CACNA2D1: variants seen among roughly 807,000 people sequenced by gnomAD.
The protein encoded by CACNA2D1 is voltage-dependent calcium channel subunit alpha-2/delta-1.
A neutral mutation model predicts 171.5 loss-of-function variants in CACNA2D1; 53 were observed. The ratio of observed to expected loss-of-function variants is 0.31; its 90% CI spans 0.25 to 0.39. The LOEUF is 0.39. Ranked by LOEUF, CACNA2D1 falls within the 10% of genes least tolerant of loss-of-function variation. The pLI is 1.00. For missense variants in CACNA2D1, 903 were observed against 1,299.8 expected (o/e 0.69, Z 4.69); for synonymous variants, 442 against 443.1 (o/e 1.00, Z 0.03).
At chr7:82,392,449 A>G (rs1414221078) in intron 1 of CACNA2D1, among the ~76,000 whole-genome samples, 3 of 152,230 alleles carry the variant, frequency 2.0e-5, no homozygotes, top group Non-Finnish European at 2.9e-5. Context: ...GACGCGGGAC[A>G]AGAACTCGAG....
At chr7:81,983,236 T>G (rs1796614517) in intron 23 of CACNA2D1, 78 bp downstream of exon 23, 4 of 1,217,590 alleles carry the variant, frequency 3.3e-6, no homozygotes, top group African/African-American at 3.0e-5. Context: ...GAGGATAATA[T>G]CCAATAGGAA....
intron 1 of CACNA2D1, 115 bp downstream of exon 1, chr7:82,443,250 C>T: frequency 2.0e-6 from 2 of 1,014,556 alleles, no homozygotes; most frequent in Non-Finnish European, 2.8e-6. Context: ...GGCTCCCCGG[C>T]CGCTCGCTCC....
At chr7:82,378,222 A>C (rs1585719555) in intron 1 of CACNA2D1, among the ~76,000 whole-genome samples, 1 of 151,898 alleles carries the variant, frequency 6.6e-6, no homozygotes, top group African/African-American at 2.4e-5. Context: ...ACATTGTGAG[A>C]CCTGTCTCTA....
At chr7:82,283,061 G>A (rs75459564) in intron 3 of CACNA2D1, among the ~76,000 whole-genome samples, 2,096 of 151,662 alleles carry the variant, frequency 0.014, 27 homozygotes, top group East Asian at 0.078. Context: ...TGTTTCCCAC[G>A]CTCCTTACAA....
intron 6 of CACNA2D1, among the ~76,000 whole-genome samples, chr7:82,115,806 C>A (rs1423139944): frequency 6.6e-6 from 1 of 151,500 alleles, no homozygotes; most frequent in Admixed American, 6.6e-5. Context: ...TAAACTTTAA[C>A]TGTAAATAAT....
intron 4 of CACNA2D1, among the ~76,000 whole-genome samples, chr7:82,150,776 T>C (rs1470593601): frequency 6.6e-6 from 1 of 152,194 alleles, no homozygotes; most frequent in Non-Finnish European, 1.5e-5. Flanking sequence ...TTATAGGGCA[T>C]AGATTACAGT....
At chr7:82,410,542 G>C (rs1827531119) in intron 1 of CACNA2D1, 5 of 985,046 alleles carry the variant, frequency 5.1e-6, no homozygotes, top group Non-Finnish European at 6.0e-6. Context: ...CGCTACATCA[G>C]GGGTGGCTGA....
intron 1 of CACNA2D1, among the ~76,000 whole-genome samples, chr7:82,434,009 T>C (rs1222992779): frequency 6.6e-6 from 1 of 152,190 alleles, no homozygotes; most frequent in Admixed American, 6.5e-5. Flanking sequence ...AATTCTACAC[T>C]CAAGCTGGTT....
At chr7:82,053,497 T>A (rs1420562731) in intron 10 of CACNA2D1, among the ~76,000 whole-genome samples, 1 of 152,024 alleles carries the variant, frequency 6.6e-6, no homozygotes, top group Non-Finnish European at 1.5e-5. Context: ...TAACAAAACT[T>A]CAGAGTGTAG....
chr7:82,418,265 A>C (rs1030349524), intron 1 of CACNA2D1, among the ~76,000 whole-genome samples: 1 of 152,138 alleles, frequency 6.6e-6, no homozygotes, highest in African/African-American at 2.4e-5. Context: ...CCCCTGATTC[A>C]ATTATCTCCA....
chr7:81,972,699 C>A (rs1024005424), intron 25 of CACNA2D1, among the ~76,000 whole-genome samples: 11 of 151,878 alleles, frequency 7.2e-5, no homozygotes, highest in African/African-American at 2.7e-4. Context: ...TTCCTCTAAA[C>A]CCATTAAGCT....
In CACNA2D1 at chr7:82,410,430, C is replaced by A. The variant is rs75822553; in HGVS notation, c.95+32935G>T. The A allele has an allele frequency of 8.0e-4, 573 of 720,400 alleles. 3 individuals are homozygous for A. In the African/African-American group the frequency reaches 0.01, roughly 13 times the overall value. 44.6% of individuals were successfully genotyped at this position (720,400 alleles called of 1,614,324 possible). On this transcript the variant is annotated intron_variant, in intron 1 of 38. Transcript: ENST00000356860. ...CACTTCTGTACTGCTATCTATCCAACATCTTTCATTCTGATTGGCTTAGCC... is the reference window on the plus strand; with the variant it reads ...CACTTCTGTACTGCTATCTATCCAAAATCTTTCATTCTGATTGGCTTAGCC...
intron 10 of CACNA2D1, among the ~76,000 whole-genome samples, chr7:82,056,007 G>T (rs117679778): frequency 0.33 from 6,333 of 19,322 alleles, 304 homozygotes; most frequent in Non-Finnish European, 0.43. Context: ...CTACTCAAAA[G>T]TTAAAAAAAA....
At chr7:82,371,593 A>T (rs2887141) in intron 1 of CACNA2D1, among the ~76,000 whole-genome samples, 94,276 of 151,194 alleles carry the variant, frequency 0.62, 29,934 homozygotes, top group Middle Eastern at 0.73. Context: ...TATTATTATT[A>T]TTTTGCAACA....
chr7:82,196,321 T>C (rs1798847715), intron 3 of CACNA2D1, among the ~76,000 whole-genome samples: 1 of 152,076 alleles, frequency 6.6e-6, no homozygotes, highest in African/African-American at 2.4e-5. Context: ...ACCAGTTTAC[T>C]ACACTATGAG....
rs57473351 is a variant in CACNA2D1, at chr7:82,297,072, C to CAAAAAAAAAAAAAAAAAAAAAAAAA, written c.294+38038_294+38062dup. 1.4e-3 allele frequency among the ~76,000 whole-genome samples: 98 copies of CAAAAAAAAAAAAAAAAAAAAAAAAA among 72,200 alleles called. 3 individuals are homozygous for CAAAAAAAAAAAAAAAAAAAAAAAAA. The highest frequency in any genetic ancestry group is 2.9e-3 in the South Asian group (6 of 2,048). 47.4% of individuals were successfully genotyped at this position (72,200 alleles called of 152,430 possible). A position where few individuals can be genotyped will look rare whatever the true frequency, so the allele number is the denominator to read the frequency against. ...AAACATAGTGAGGCTCTGTGTCTAC[C>CAAAAAAAAAAAAAAAAAAAAAAAAA]AAAAAAAAAAAAAAAAAAAAAAAAA... is the stretch of plus-strand genomic sequence containing the variant. On this transcript the variant is annotated intron_variant, in intron 3 of 38. Coordinates refer to ENST00000356860, the MANE Select transcript of CACNA2D1 (RefSeq NM_000722.4).
At chr7:82,152,415 G>A (rs1227380522) in intron 4 of CACNA2D1, among the ~76,000 whole-genome samples, 1 of 151,754 alleles carries the variant, frequency 6.6e-6, no homozygotes, top group Non-Finnish European at 1.5e-5. Flanking sequence ...AAAAATACAG[G>A]ACATCCAATT....
chr7:82,197,479 G>C (rs1414629384), intron 3 of CACNA2D1, among the ~76,000 whole-genome samples: 2 of 152,024 alleles, frequency 1.3e-5, no homozygotes, highest in Admixed American at 6.6e-5. Flanking sequence ...ACAAAAACTA[G>C]AATTGACAGG....
chr7:82,025,827 G>C (rs542299860), intron 12 of CACNA2D1, among the ~76,000 whole-genome samples: 23 of 151,734 alleles, frequency 1.5e-4, no homozygotes, highest in African/African-American at 5.3e-4. Flanking sequence ...CAAGTCCTCT[G>C]TTTCCAGATT....
Sources: gnomAD v4.1 joint callset for allele counts (sites outside exome capture counted in the v4.1 genomes callset) on GRCh38, gnomAD v4.1.1 for gene constraint, MANE v1.5 for transcripts, NCBI Gene and HGNC (gene_info 2026-07-23, HGNC 2026-07-21) for gene names.